The following PAN3 variants were observed in gnomAD, a reference collection of about 807,000 sequenced individuals.
PAN3 encodes the protein poly(A) specific ribonuclease subunit PAN3, also known as PAN2-PAN3 deadenylation complex subunit PAN3.
Under a neutral mutation model 96.2 loss-of-function variants are expected in PAN3, and 19 were observed. That is an observed-to-expected ratio of 0.20 (90% confidence interval 0.14 to 0.29). PAN3 has a LOEUF of 0.29. Ranked by LOEUF, PAN3 falls within the 10% of genes least tolerant of loss-of-function variation. The pLI, the probability that PAN3 is intolerant of heterozygous loss-of-function variation, is 1.00. For missense variants in PAN3, 882 were observed against 1,108.1 expected, an observed-to-expected ratio of 0.80 and a Z score of 2.90; for synonymous variants, 433 against 406.6, an observed-to-expected ratio of 1.06 and a Z score of -0.78.
intron 1 of PAN3, among the ~76,000 whole-genome samples, chr13:28,151,847 A>G (rs1381808965): frequency 6.6e-6 from 1 of 152,114 alleles, no homozygotes; most frequent in Non-Finnish European, 1.5e-5. Context: ...ACTTTGAGAG[A>G]TATATTAGCC....
chr13:28,157,439 T>C (rs563011370), intron 1 of PAN3, among the ~76,000 whole-genome samples: 4 of 152,306 alleles, frequency 2.6e-5, no homozygotes, highest in African/African-American at 7.2e-5. Context: ...GTATATGATA[T>C]GATTTTATAC....
intron 1 of PAN3, among the ~76,000 whole-genome samples, chr13:28,156,289 C>T (rs1043564934): frequency 1.1e-4 from 17 of 152,146 alleles, no homozygotes; most frequent in African/African-American, 4.1e-4. Context: ...CACCTCTATG[C>T]ATGTAGGGTA....
intron 18 of PAN3, among the ~76,000 whole-genome samples, chr13:28,289,698 G>A (rs570042559): frequency 5.3e-4 from 80 of 152,268 alleles, no homozygotes; most frequent in Admixed American, 3.7e-3. Flanking sequence ...TGGCTAACAC[G>A]GTGAAACCCC....
chr13:28,147,254 GA>G (rs1377214647), intron 1 of PAN3, among the ~76,000 whole-genome samples: 3 of 152,126 alleles, frequency 2.0e-5, no homozygotes, highest in African/African-American at 7.2e-5. Flanking sequence ...CCCACATTTT[GA>G]ATTTACAATT....
chr13:28,196,823 T>C (rs1878115710), intron 4 of PAN3, among the ~76,000 whole-genome samples: 1 of 152,220 alleles, frequency 6.6e-6, no homozygotes, highest in African/African-American at 2.4e-5. Context: ...TTTCTTCATA[T>C]TGCAGTGAGA....
intron 6 of PAN3, among the ~76,000 whole-genome samples, chr13:28,253,023 A>T (rs1884864218): frequency 6.6e-6 from 1 of 152,002 alleles, no homozygotes; most frequent in Admixed American, 6.5e-5. Flanking sequence ...TTTCTAATGA[A>T]GAAGAAGAAA....
In PAN3 at chr13:28,295,252, C is replaced by G. The variant is rs1358817592; in HGVS notation, c.*2730C>G. 1 of 152,196 alleles carries G rather than the reference C, an allele frequency of 6.6e-6. No individual in the cohort carries two copies. The highest frequency in any genetic ancestry group is 1.5e-5 in the Non-Finnish European group (1 of 68,028). 9.4% of individuals were successfully genotyped at this position (152,196 alleles called of 1,614,324 possible). A position where few individuals can be genotyped will look rare whatever the true frequency, so the allele number is the denominator to read the frequency against. ...AGTGTGTTAGGTTCTAATGTCATGA[C>G]CCAATTTGTGTTATTCATCTTTAAT... On this transcript the variant is annotated 3_prime_UTR_variant, in exon 19 of 19. Coordinates refer to ENST00000380958, the MANE Select transcript of PAN3 (RefSeq NM_175854.8).
chr13:28,270,337 A>G (rs1886507619), intron 12 of PAN3, among the ~76,000 whole-genome samples: 1 of 152,352 alleles, frequency 6.6e-6, no homozygotes, highest in African/African-American at 2.4e-5. Flanking sequence ...AATACAGGGT[A>G]GGATTAGCCA....
At chr13:28,236,734 A>G (rs958380065) in intron 6 of PAN3, among the ~76,000 whole-genome samples, 3 of 152,154 alleles carry the variant, frequency 2.0e-5, no homozygotes, top group African/African-American at 7.2e-5. Flanking sequence ...TGTGAAGAAA[A>G]TCTCAGGCAT....
chr13:28,270,237 T>C (rs1382351140), intron 12 of PAN3, among the ~76,000 whole-genome samples: 1 of 152,188 alleles, frequency 6.6e-6, no homozygotes, highest in Non-Finnish European at 1.5e-5. Flanking sequence ...CTGAGTGATA[T>C]AAGGAAAACA....
chr13:28,195,869 G>A (rs954860666), intron 4 of PAN3, among the ~76,000 whole-genome samples: 2 of 152,046 alleles, frequency 1.3e-5, no homozygotes, highest in African/African-American at 4.8e-5. Flanking sequence ...TATAGCAGAT[G>A]CACACTTGTG....
At chr13:28,168,195 G>A (rs1593396927) in intron 1 of PAN3, among the ~76,000 whole-genome samples, 1 of 152,144 alleles carries the variant, frequency 6.6e-6, no homozygotes, top group Non-Finnish European at 1.5e-5. Context: ...AATACCTGGG[G>A]CAAGAAGTGT....
chr13:28,188,702 C>T (rs531152456), intron 4 of PAN3, among the ~76,000 whole-genome samples: 38 of 152,252 alleles, frequency 2.5e-4, no homozygotes, highest in Middle Eastern at 3.4e-3. Flanking sequence ...TTATAATTCA[C>T]GGCATTGGAA....
chr13:28,213,121 C>A (rs1880253820), intron 5 of PAN3, among the ~76,000 whole-genome samples: 1 of 151,824 alleles, frequency 6.6e-6, no homozygotes, highest in Non-Finnish European at 1.5e-5. Context: ...CAATCATGGA[C>A]CGGGGGAAGA....
chr13:28,151,514 CAA>C (rs34007586), intron 1 of PAN3, among the ~76,000 whole-genome samples: 7 of 133,072 alleles, frequency 5.3e-5, no homozygotes, highest in African/African-American at 1.4e-4. Context: ...GACTCTGTCT[CAA>C]AAAAAAAAAA....
intron 6 of PAN3, among the ~76,000 whole-genome samples, chr13:28,243,240 T>C (rs1883849877): frequency 6.6e-6 from 1 of 152,242 alleles, no homozygotes; most frequent in South Asian, 2.1e-4. Flanking sequence ...TTTAGGATGA[T>C]CTTCACTCTG....
At chr13:28,151,658 G>C (rs1321752377) in intron 1 of PAN3, among the ~76,000 whole-genome samples, 1 of 152,192 alleles carries the variant, frequency 6.6e-6, no homozygotes, top group African/African-American at 2.4e-5. Flanking sequence ...TTTCAGACAT[G>C]TTTTCCAGGT....
chr13:28,223,791 G>A (rs2138396513), intron 6 of PAN3, among the ~76,000 whole-genome samples: 1 of 150,474 alleles, frequency 6.6e-6, no homozygotes, highest in South Asian at 2.1e-4. Flanking sequence ...TTTTTGACTA[G>A]ATCTCTGGAA....
chr13:28,222,098 CA>C (rs1881472156), intron 6 of PAN3, among the ~76,000 whole-genome samples: 1 of 152,110 alleles, frequency 6.6e-6, no homozygotes, highest in Non-Finnish European at 1.5e-5. Context: ...TAACTTATTT[CA>C]TGAAACTAAT....
Sources: allele counts gnomAD v4.1 joint callset (sites outside exome capture counted in the v4.1 genomes callset), GRCh38; gene constraint gnomAD v4.1.1; transcripts MANE v1.5; gene names NCBI Gene and HGNC (gene_info 2026-07-23, HGNC 2026-07-21).